Variants in CUX2 observed in about 807,000 individuals in gnomAD.
CUX2 encodes cut like homeobox 2, also known as homeobox protein cut-like 2.
Under a neutral mutation model 144.8 loss-of-function variants are expected in CUX2, and 40 were observed. The observed-to-expected ratio is 0.28, with a 90% CI of 0.21 to 0.36. The LOEUF (loss-of-function observed/expected upper bound fraction) is 0.36, where lower values mean the gene tolerates loss of function less well. Among genes scored for constraint, CUX2 ranks in the 10% least tolerant of loss-of-function variants. The pLI, the probability that CUX2 is intolerant of heterozygous loss-of-function variation, is 1.00. For missense variants in CUX2, 1,615 were observed against 1,994.0 expected (o/e 0.81, Z 3.62); for synonymous variants, 827 against 875.6 (o/e 0.94, Z 0.98).
intron 3 of CUX2, among the ~76,000 whole-genome samples, chr12:111,219,109 C>A (rs946967504): frequency 6.6e-6 from 1 of 152,138 alleles, no homozygotes; most frequent in East Asian, 1.9e-4. Flanking sequence ...ATCCACCAAG[C>A]GCCACATTAC....
chr12:111,137,484 T>C (rs773261032), intron 1 of CUX2, among the ~76,000 whole-genome samples: 4 of 152,134 alleles, frequency 2.6e-5, no homozygotes, highest in Middle Eastern at 3.2e-3. Flanking sequence ...TTCTGAATGA[T>C]GGGATTTTTA....
At chr12:111,339,421 A>G (rs1424030031) in intron 20 of CUX2, 4 of 152,188 alleles carry the variant, frequency 2.6e-5, no homozygotes, top group African/African-American at 7.2e-5. Context: ...CCCAGATTCT[A>G]CATAACAAAG....
chr12:111,215,765 C>G (rs562554610), intron 2 of CUX2, among the ~76,000 whole-genome samples: 44 of 152,318 alleles, frequency 2.9e-4, no homozygotes, highest in African/African-American at 1.0e-3. Context: ...CATGCCCTCT[C>G]CCTGGTCAGC....
chr12:111,184,291 T>A, intron 1 of CUX2, among the ~76,000 whole-genome samples: 1 of 152,004 alleles, frequency 6.6e-6, no homozygotes, highest in East Asian at 1.9e-4. Flanking sequence ...AACCTAAGTA[T>A]CCATGAGTCG....
chr12:111,163,956 C>A (rs1877954154), intron 1 of CUX2, among the ~76,000 whole-genome samples: 1 of 152,144 alleles, frequency 6.6e-6, no homozygotes, highest in African/African-American at 2.4e-5. Context: ...TAACCTTGAG[C>A]AGGTGACTTT....
chr12:111,050,608 G>GC (rs1291669554), intron 1 of CUX2, among the ~76,000 whole-genome samples: 1 of 151,964 alleles, frequency 6.6e-6, no homozygotes, highest in Non-Finnish European at 1.5e-5. Flanking sequence ...TCTCCTGTAT[G>GC]CCCCCTATGT....
intron 18 of CUX2, among the ~76,000 whole-genome samples, chr12:111,324,755 C>G (rs533514439): frequency 2.6e-3 from 401 of 152,194 alleles, no homozygotes; most frequent in Non-Finnish European, 4.6e-3. Context: ...CCACCTTGGC[C>G]TCCCAAGGTG....
chr12:111,125,662 T>C (rs748696462), intron 1 of CUX2, among the ~76,000 whole-genome samples: 1 of 152,230 alleles, frequency 6.6e-6, no homozygotes, highest in Non-Finnish European at 1.5e-5. Flanking sequence ...GGAATGTGGC[T>C]TGTTTTTTCT....
chr12:111,344,522 T>C (rs1049964025), intron 21 of CUX2, among the ~76,000 whole-genome samples: 1 of 152,168 alleles, frequency 6.6e-6, no homozygotes. Flanking sequence ...ATTATTTCAT[T>C]TGGTAAATGT....
intron 1 of CUX2, among the ~76,000 whole-genome samples, chr12:111,209,667 G>T (rs1054472096): frequency 2.0e-5 from 3 of 151,960 alleles, no homozygotes; most frequent in Admixed American, 6.6e-5. Flanking sequence ...CACACCAATG[G>T]CAAACCCTCT....
chr12:111,210,486 C>T (rs1881157671), intron 1 of CUX2, among the ~76,000 whole-genome samples: 1 of 152,104 alleles, frequency 6.6e-6, no homozygotes, highest in South Asian at 2.1e-4. Context: ...GTCAGTTTAT[C>T]TAAACATAAG....
chr12:111,052,205 A>G (rs1310964506), intron 1 of CUX2, among the ~76,000 whole-genome samples: 1 of 152,040 alleles, frequency 6.6e-6, no homozygotes, highest in Non-Finnish European at 1.5e-5. Flanking sequence ...CTTACTCAAT[A>G]TCACTTCCTT....
intron 1 of CUX2, among the ~76,000 whole-genome samples, chr12:111,053,760 C>T (rs1436762257): frequency 2.6e-5 from 4 of 152,190 alleles, no homozygotes; most frequent in South Asian, 4.1e-4. Context: ...GTTGGTCTCC[C>T]GTATCAGACG....
chr12:111,309,955 C>G (rs1489003101), intron 14 of CUX2, 86 bp from the exon 15 acceptor site: 9 of 1,179,928 alleles, frequency 7.6e-6, no homozygotes, highest in Non-Finnish European at 1.1e-6. Context: ...CTCTCTCCCC[C>G]TCTGGTTCTT....
intron 9 of CUX2, among the ~76,000 whole-genome samples, chr12:111,301,042 A>C (rs1886267842): frequency 1.5e-5 from 2 of 137,708 alleles, no homozygotes; most frequent in Admixed American, 1.4e-4. Flanking sequence ...CTATCTCAAA[A>C]AAAAAAAAAA....
In CUX2 at chr12:111,295,697, C is replaced by T. The variant is rs1375346240; in HGVS notation, c.637+288C>T. On this transcript the variant is annotated intron_variant, in intron 7 of 21. Coordinates refer to ENST00000261726, the MANE Select transcript of CUX2 (RefSeq NM_015267.4). The surrounding 1 kb of genome is among the most constrained non-coding windows in gnomAD (Gnocchi z 5.0). The stretch of plus-strand genomic sequence containing the variant: ...CTTTGGGAGGCTGAAGTGGGAGGGT[C>T]GCTTGAACCCCAGAGTTTGAGACCA... 6.6e-6 allele frequency among the ~76,000 whole-genome samples: 1 copy of T among 151,826 alleles called. No individual in the cohort carries two copies. Among genetic ancestry groups the T allele is most frequent in the Non-Finnish European group, 1.5e-5 (1 of 67,972 alleles).
At chr12:111,326,736 T>C (rs1231913218) in intron 18 of CUX2, among the ~76,000 whole-genome samples, 4 of 151,918 alleles carry the variant, frequency 2.6e-5, no homozygotes, top group African/African-American at 9.7e-5. Context: ...AAATCCCGTC[T>C]CTCCTAAAAG....
chr12:111,298,647 G>T (rs1277040197), intron 9 of CUX2, 58 bp downstream of exon 9: 3 of 1,492,116 alleles, frequency 2.0e-6, no homozygotes, highest in East Asian at 2.4e-5. Context: ...CTGGGGTGGG[G>T]GTCTCGGGCC....
intron 21 of CUX2, among the ~76,000 whole-genome samples, chr12:111,345,677 G>A (rs1207389497): frequency 8.6e-5 from 13 of 150,820 alleles, no homozygotes; most frequent in South Asian, 2.1e-4. Flanking sequence ...GGGAGCTTGC[G>A]GTGAGCCAAG....
Sources: gnomAD v4.1 joint callset for allele counts (sites outside exome capture counted in the v4.1 genomes callset) on GRCh38, gnomAD v4.1.1 for gene constraint, Gnocchi (gnomAD v3.1) non-coding constraint, MANE v1.5 for transcripts, NCBI Gene and HGNC (gene_info 2026-07-23, HGNC 2026-07-21) for gene names.